CLASP1: variants seen among roughly 807,000 people sequenced by gnomAD.
The protein encoded by CLASP1 is CLIP-associating protein 1.
Under a neutral mutation model 192.3 loss-of-function variants are expected in CLASP1, and 38 were observed. The observed-to-expected ratio is 0.20, with a 90% CI of 0.15 to 0.26. The LOEUF (loss-of-function observed/expected upper bound fraction) is 0.26. Among genes scored for constraint, CLASP1 ranks in the 10% least tolerant of loss-of-function variants. The pLI, the probability that CLASP1 is intolerant of heterozygous loss-of-function variation, is 1.00. For missense variants in CLASP1, 1,433 were observed against 1,932.5 expected, an observed-to-expected ratio of 0.74 and a Z score of 4.85; for synonymous variants, 691 against 712.8, an observed-to-expected ratio of 0.97 and a Z score of 0.49.
At chr2:121,377,198 A>G (rs1359852235) in intron 34 of CLASP1, among the ~76,000 whole-genome samples, 1 of 152,230 alleles carries the variant, frequency 6.6e-6, no homozygotes, top group African/African-American at 2.4e-5. Context: ...TGTATTTCCA[A>G]AACACTAGAA....
intron 1 of CLASP1, among the ~76,000 whole-genome samples, chr2:121,647,934 AAAC>A (rs2073477768): frequency 6.6e-6 from 1 of 152,266 alleles, no homozygotes; most frequent in South Asian, 2.1e-4. Flanking sequence ...AGCCCATAAT[AAAC>A]AATGAATTAT....
intron 1 of CLASP1, among the ~76,000 whole-genome samples, chr2:121,614,795 A>G (rs118175341): frequency 1.3e-5 from 2 of 152,354 alleles, no homozygotes; most frequent in East Asian, 1.9e-4. Flanking sequence ...AGTTTCCAGC[A>G]TACTCAGAGA....
chr2:121,447,577 A>G (rs892540276), intron 18 of CLASP1, 70 bp from the exon 19 acceptor site: 1 of 1,295,324 alleles, frequency 7.7e-7, no homozygotes, highest in Non-Finnish European at 1.1e-6. Context: ...CTAAAATCTG[A>G]TGTTGTTTTG....
intron 39 of CLASP1, among the ~76,000 whole-genome samples, chr2:121,345,150 A>T (rs562216739): frequency 2.0e-5 from 3 of 152,220 alleles, no homozygotes; most frequent in Non-Finnish European, 4.4e-5. Flanking sequence ...CCATATAAAA[A>T]TAATAACAAT....
chr2:121,398,138 G>A (rs2075593757), intron 29 of CLASP1, among the ~76,000 whole-genome samples, 184 bp downstream of exon 30: 1 of 152,156 alleles, frequency 6.6e-6, no homozygotes, highest in South Asian at 2.1e-4. Flanking sequence ...CTTACCCAAT[G>A]AACCAGCAAA....
intron 34 of CLASP1, among the ~76,000 whole-genome samples, chr2:121,370,681 C>A (rs948332124): frequency 6.6e-6 from 1 of 152,148 alleles, no homozygotes; most frequent in Admixed American, 6.5e-5. Context: ...CATTCTCCAG[C>A]AGGAACAGCC....
intron 8 of CLASP1, among the ~76,000 whole-genome samples, chr2:121,479,611 T>C (rs1335530458): frequency 6.6e-6 from 1 of 152,176 alleles, no homozygotes; most frequent in Non-Finnish European, 1.5e-5. Flanking sequence ...AGTGTAAAAG[T>C]GCAAAACACA....
intron 2 of CLASP1, among the ~76,000 whole-genome samples, chr2:121,587,944 G>A (rs964317526): frequency 4.0e-5 from 6 of 151,098 alleles, no homozygotes; most frequent in Admixed American, 1.3e-4. Flanking sequence ...AGGCTGAGGC[G>A]GGTGCATCAC....
At chr2:121,396,686 C>T (rs2149435774) in intron 30 of CLASP1, among the ~76,000 whole-genome samples, 1 of 152,332 alleles carries the variant, frequency 6.6e-6, no homozygotes, top group Admixed American at 6.5e-5. Flanking sequence ...CACATACTCA[C>T]ATATCACACA....
intron 2 of CLASP1, among the ~76,000 whole-genome samples, chr2:121,605,499 G>A (rs1208693317): frequency 6.6e-6 from 1 of 152,202 alleles, no homozygotes; most frequent in East Asian, 1.9e-4. Flanking sequence ...TAAAGGATGA[G>A]AATTTTTTGA....
At chr2:121,482,265 C>T (rs2092653650) in intron 8 of CLASP1, among the ~76,000 whole-genome samples, 4 of 152,096 alleles carry the variant, frequency 2.6e-5, no homozygotes, top group Admixed American at 1.3e-4. Flanking sequence ...CTTCCCTCTG[C>T]ACCTGGACAG....
At chr2:121,352,600 A>G (rs1016446580) in intron 37 of CLASP1, among the ~76,000 whole-genome samples, 1 of 152,206 alleles carries the variant, frequency 6.6e-6, no homozygotes, top group African/African-American at 2.4e-5. Context: ...TCCTCTGGCA[A>G]AAAACTTCCT....
chr2:121,594,372 T>A (rs2062850448), intron 2 of CLASP1, among the ~76,000 whole-genome samples: 1 of 150,778 alleles, frequency 6.6e-6, no homozygotes, highest in Non-Finnish European at 1.5e-5. Context: ...GTATGTCTCG[T>A]AAATCAGGTA....
intron 19 of CLASP1, among the ~76,000 whole-genome samples, chr2:121,444,005 A>C (rs1345088006): frequency 1.3e-5 from 2 of 152,198 alleles, no homozygotes; most frequent in East Asian, 1.9e-4. Context: ...CCTAATTGTT[A>C]AGTAAATATC....
At chr2:121,531,110 T>C (rs1019805057) in intron 2 of CLASP1, 22 of 638,952 alleles carry the variant, frequency 3.4e-5, no homozygotes, top group Middle Eastern at 4.1e-4. Flanking sequence ...AGACGCGTGG[T>C]TTTAGTGTCG....
intron 19 of CLASP1, among the ~76,000 whole-genome samples, chr2:121,445,657 G>C (rs1018217064): frequency 6.6e-6 from 1 of 152,192 alleles, no homozygotes; most frequent in Non-Finnish European, 1.5e-5. Flanking sequence ...AGTTGAGGTA[G>C]AATTCTCAGG....
intron 2 of CLASP1, among the ~76,000 whole-genome samples, chr2:121,543,504 T>C (rs2095271998): frequency 6.6e-6 from 1 of 152,078 alleles, no homozygotes; most frequent in Non-Finnish European, 1.5e-5. Context: ...ATATGGACTT[T>C]CAAAATTTTC....
chr2:121,478,871 C>CA (rs2092197011), intron 8 of CLASP1, among the ~76,000 whole-genome samples: 2 of 15,346 alleles, frequency 1.3e-4, no homozygotes, highest in African/African-American at 2.4e-4. Flanking sequence ...CACACACACA[C>CA]CACACCACAC....
chr2:121,358,211 T>C (rs923386715), intron 37 of CLASP1, among the ~76,000 whole-genome samples: 2 of 152,212 alleles, frequency 1.3e-5, no homozygotes, highest in African/African-American at 4.8e-5. Context: ...GGGCTTCTGG[T>C]CATATCCCAA....
Sources: allele counts gnomAD v4.1 joint callset (sites outside exome capture counted in the v4.1 genomes callset), GRCh38; gene constraint gnomAD v4.1.1; transcripts MANE v1.5; gene names NCBI Gene and HGNC (gene_info 2026-07-23, HGNC 2026-07-21).